The following NTM variants were observed in gnomAD, a reference collection of about 807,000 sequenced individuals.
The protein encoded by NTM is neurotrimin, also known as IgLON family member 2.
In NTM, 13 loss-of-function variants were observed where a neutral mutation model predicts 42.1. That is an observed-to-expected ratio of 0.31 (90% CI 0.20 to 0.49). The LOEUF (loss-of-function observed/expected upper bound fraction) is 0.49, where lower values mean the gene tolerates loss of function less well. Ranked by LOEUF, NTM falls within the 20% of genes least tolerant of loss-of-function variation. The pLI is 0.99. For missense variants in NTM, 373 were observed against 452.8 expected, an observed-to-expected ratio of 0.82 and a Z score of 1.60; for synonymous variants, 187 against 179.2, an observed-to-expected ratio of 1.04 and a Z score of -0.35.
chr11:131,899,483 G>A (rs573537299), intron 1 of NTM, among the ~76,000 whole-genome samples: 1 of 152,270 alleles, frequency 6.6e-6, no homozygotes, highest in South Asian at 2.1e-4. Flanking sequence ...CCCCAGCCAG[G>A]CAGAAAATGG....
chr11:131,590,899 C>T (rs948341680), intron 1 of NTM, among the ~76,000 whole-genome samples: 4 of 152,158 alleles, frequency 2.6e-5, no homozygotes, highest in East Asian at 1.9e-4. Flanking sequence ...GGATAGCATG[C>T]GAGTGGATAC....
intron 2 of NTM, among the ~76,000 whole-genome samples, chr11:132,095,463 T>C (rs2060856947): frequency 6.6e-6 from 1 of 152,068 alleles, no homozygotes; most frequent in Non-Finnish European, 1.5e-5. Context: ...AGGCTGTAAG[T>C]GGTGTCTTAA....
At chr11:131,804,154 A>G (rs1789549667) in intron 1 of NTM, among the ~76,000 whole-genome samples, 1 of 152,158 alleles carries the variant, frequency 6.6e-6, no homozygotes, top group African/African-American at 2.4e-5. Context: ...CTTCTCACTC[A>G]AACTAGCAGA....
chr11:132,005,573 A>T (rs1047750965), intron 2 of NTM, among the ~76,000 whole-genome samples: 1 of 152,232 alleles, frequency 6.6e-6, no homozygotes, highest in Non-Finnish European at 1.5e-5. Context: ...TGTTGTGTGT[A>T]TTAAATGAGG....
chr11:131,991,505 AAG>A (rs754561608), intron 2 of NTM, among the ~76,000 whole-genome samples: 2 of 152,240 alleles, frequency 1.3e-5, no homozygotes, highest in African/African-American at 2.4e-5. Context: ...ATAGAGAGCC[AAG>A]GACATAAGCA....
At chr11:131,732,573 C>A (rs1407497128) in intron 1 of NTM, among the ~76,000 whole-genome samples, 1 of 152,192 alleles carries the variant, frequency 6.6e-6, no homozygotes, top group African/African-American at 2.4e-5. Flanking sequence ...TGATGAAACG[C>A]CCCCAAACTT....
chr11:131,707,266 G>A (rs2076684122), intron 1 of NTM, among the ~76,000 whole-genome samples: 1 of 151,880 alleles, frequency 6.6e-6, no homozygotes, highest in South Asian at 2.1e-4. Flanking sequence ...TTCTTTGCCT[G>A]GCTTATTTAA....
At chr11:131,374,950 G>A (rs949781577) in intron 1 of NTM, among the ~76,000 whole-genome samples, 10 of 152,184 alleles carry the variant, frequency 6.6e-5, no homozygotes, top group African/African-American at 2.4e-4. Flanking sequence ...TTGGATTCAA[G>A]CTCATGATCT....
rs985027679 is a variant in NTM at position 131,686,873 on chromosome 11, A to T, written c.83-224691A>T. On this transcript the variant is annotated intron_variant, in intron 1 of 8. Transcript: ENST00000683400. Reference sequence around the variant, plus strand: ...CACTTAGCTGTGGGCTGGAGGTTGGAGAATGTTCCATCTGCTGGAAATGCT... The same window carrying T: ...CACTTAGCTGTGGGCTGGAGGTTGGTGAATGTTCCATCTGCTGGAAATGCT... 4.6e-5 allele frequency among the ~76,000 whole-genome samples: 7 copies of T among 152,206 alleles called. No individual in the cohort carries two copies. In the East Asian group the frequency reaches 1.2e-3, roughly 25 times the overall value.
At chr11:131,373,441 C>A (rs2135471219) in intron 1 of NTM, among the ~76,000 whole-genome samples, 1 of 152,202 alleles carries the variant, frequency 6.6e-6, no homozygotes, top group Admixed American at 6.5e-5. Flanking sequence ...CCTGCTCCTC[C>A]CCACAACCCA....
At chr11:131,637,607 T>C (rs1052308083) in intron 1 of NTM, among the ~76,000 whole-genome samples, 5 of 151,626 alleles carry the variant, frequency 3.3e-5, no homozygotes, top group Non-Finnish European at 7.4e-5. Flanking sequence ...GGCAACTATA[T>C]ATCTGACCTC....
chr11:131,858,609 C>A (rs957454278), intron 1 of NTM, among the ~76,000 whole-genome samples: 1 of 152,194 alleles, frequency 6.6e-6, no homozygotes, highest in African/African-American at 2.4e-5. Flanking sequence ...AAGAGCCCTG[C>A]AAATGAGGCA....
At chr11:131,867,449 A>ATG (rs888194387) in intron 1 of NTM, among the ~76,000 whole-genome samples, 13 of 150,826 alleles carry the variant, frequency 8.6e-5, no homozygotes, top group East Asian at 7.8e-4. Context: ...CCATATGTGT[A>ATG]TGTGTGTGTG....
At chr11:131,654,219 C>G (rs2066880138) in intron 1 of NTM, among the ~76,000 whole-genome samples, 1 of 152,182 alleles carries the variant, frequency 6.6e-6, no homozygotes, top group Non-Finnish European at 1.5e-5. Context: ...GGTCGTCTGC[C>G]TTTTCTTTCA....
At position 132,171,056 on chromosome 11, in the gene NTM, A is replaced by C. The variant is rs75487698; in HGVS notation, c.400+24542A>C. The stretch of plus-strand genomic sequence containing the variant: ...TTTGGGGTGCAAGAATCGTTCACTA[A>C]ATGTCACATGTTTTTCTCCATAAAT... On this transcript the variant is annotated intron_variant, in intron 3 of 8. Transcript: ENST00000683400. Among the ~76,000 whole-genome samples, 823 of 152,286 alleles carry C rather than the reference A, an allele frequency of 5.4e-3. 3 individuals carry two copies. Among genetic ancestry groups the C allele is most frequent in the African/African-American group, 0.018 (766 of 41,576 alleles).
At chr11:131,457,929 A>G (rs1292297069) in intron 1 of NTM, among the ~76,000 whole-genome samples, 3 of 152,196 alleles carry the variant, frequency 2.0e-5, no homozygotes, top group African/African-American at 7.2e-5. Context: ...GAAGCCAGAC[A>G]TGCTGACACC....
intron 2 of NTM, among the ~76,000 whole-genome samples, chr11:132,081,550 G>A (rs1040333184): frequency 2.0e-5 from 3 of 152,034 alleles, no homozygotes; most frequent in African/African-American, 7.2e-5. Context: ...GGCTAACACG[G>A]TGAAACCCCG....
At chr11:131,988,078 G>C (rs2066381057) in intron 2 of NTM, among the ~76,000 whole-genome samples, 1 of 152,216 alleles carries the variant, frequency 6.6e-6, no homozygotes, top group Non-Finnish European at 1.5e-5. Context: ...TGTCTGTTGA[G>C]AGTCCATTTC....
intron 1 of NTM, among the ~76,000 whole-genome samples, chr11:131,627,761 G>A (rs1459534740): frequency 1.3e-5 from 2 of 152,108 alleles, no homozygotes; most frequent in Admixed American, 6.5e-5. Context: ...ACCCCAGGAG[G>A]TCAAGGCTGC....
Sources: gnomAD v4.1 joint callset for allele counts (sites outside exome capture counted in the v4.1 genomes callset) on GRCh38, gnomAD v4.1.1 for gene constraint, MANE v1.5 for transcripts, NCBI Gene and HGNC (gene_info 2026-07-23, HGNC 2026-07-21) for gene names.